The following SHBG variants were observed in gnomAD, a reference collection of about 807,000 sequenced individuals.
SHBG encodes sex hormone binding globulin.
A neutral mutation model predicts 41.9 loss-of-function variants in SHBG; 37 were observed. The observed-to-expected ratio is 0.88, with a 90% confidence interval of 0.68 to 1.16. The LOEUF is 1.16. Among genes scored for constraint, SHBG ranks in the 50% most tolerant of loss-of-function variants. The pLI is 0.00. For synonymous variants in SHBG, 217 were observed against 205.8 expected (o/e 1.05, Z -0.47); for missense variants, 466 against 499.9 (o/e 0.93, Z 0.65).
Position 7,630,293 on chromosome 17 carries a change from C to T in SHBG, c.111+10C>T, listed in dbSNP as rs374943235. On this transcript the variant is annotated intron_variant, in intron 1 of 7. Coordinates refer to ENST00000380450, the MANE Select transcript of SHBG (RefSeq NM_001040.5). The surrounding 1 kb of genome is among the most constrained non-coding windows in gnomAD (Gnocchi z 4.6). Reference sequence around the variant, plus strand: ...TGTTCTCCCCACCCAGGTGCAGGAGCGGGACAGGGCACTCAGCTCATGCAG... The same window carrying T: ...TGTTCTCCCCACCCAGGTGCAGGAGTGGGACAGGGCACTCAGCTCATGCAG... 4.9e-5 allele frequency: 78 copies of T among 1,605,028 alleles called. 1 individual carries two copies. The African/African-American group carries it at 7.3e-4, about 15-fold the overall frequency.
At chr17:7,624,230 C>T (rs1054805597), upstream of SHBG, among the ~76,000 whole-genome samples, 6 of 151,298 alleles carry the variant, frequency 4.0e-5, no homozygotes, top group East Asian at 2.0e-4. Flanking sequence ...AGGATACAGA[C>T]GTGAGCCACC....
rs754804182 is a variant in SHBG at position 7,631,198 on chromosome 17, A to C, written c.394-2A>C. 11 of 1,549,472 alleles carry C rather than the reference A, an allele frequency of 7.1e-6. No homozygotes were observed. In the Admixed American group the frequency reaches 2.2e-4, roughly 31 times the overall value. The stretch of plus-strand genomic sequence containing the variant: ...CTGATTTTGCTTCCCACCTTCCTGC[A>C]GGTGGAAGTCAAGATGGAGGGGGAC... On this transcript the variant is annotated splice_acceptor_variant, in intron 3 of 7. Transcript: ENST00000380450. LOFTEE classifies it high-confidence loss of function.
chr17:7,625,311 G>A (rs947599137), upstream of SHBG, among the ~76,000 whole-genome samples: 7 of 151,840 alleles, frequency 4.6e-5, no homozygotes, highest in South Asian at 6.2e-4. Flanking sequence ...AGGCGTGGTG[G>A]CTCACGCCTG....
At chr17:7,619,728 A>G (rs2072056845) in intron 1 of SHBG, among the ~76,000 whole-genome samples, 2 of 151,734 alleles carry the variant, frequency 1.3e-5, no homozygotes, top group African/African-American at 4.8e-5. Context: ...AAAAAAAAAA[A>G]GTAAACACTA....
At chr17:7,620,108 C>T (rs1358290947) in intron 1 of SHBG, among the ~76,000 whole-genome samples, 4 of 139,086 alleles carry the variant, frequency 2.9e-5, no homozygotes, top group Non-Finnish European at 6.3e-5. Flanking sequence ...GTAAAGACTC[C>T]TTATCCCTCT....
Position 7,631,217 on chromosome 17 carries a change from G to T in SHBG, c.411G>T (p.Glu137Asp). 1 of 1,578,288 alleles carries T rather than the reference G, an allele frequency of 6.3e-7. No homozygotes were observed. The highest frequency in any genetic ancestry group is 8.6e-7 in the Non-Finnish European group (1 of 1,162,056). The change falls in exon 4 of 8, where the codon GAG becomes GAT. Residue 137 changes from glutamate (E) to aspartate (D), a missense_variant. Coordinates refer to ENST00000380450, the MANE Select transcript of SHBG (RefSeq NM_001040.5). ...GRWHQVEVKMEGDSVLLEVDG... is the reference protein window; with the variant it reads ...GRWHQVEVKMDGDSVLLEVDG... ...TCCTGCAGGTGGAAGTCAAGATGGA[G>T]GGGGACTCTGTGCTGCTGGAGGTGG... is the stretch of plus-strand genomic sequence containing the variant.
At position 7,633,354 on chromosome 17, in the gene SHBG, G is replaced by T; in HGVS notation, c.*2G>T. The T allele has an allele frequency of 6.2e-7, 1 of 1,613,442 alleles. No individual in the cohort carries two copies. The highest frequency in any genetic ancestry group is 8.5e-7 in the Non-Finnish European group (1 of 1,179,758). The stretch of plus-strand genomic sequence containing the variant: ...AATGGCACTGACGCTTCCCATTAAA[G>T]CTCCACCTAAGAACCCCCTTTGAAA... On this transcript the variant is annotated 3_prime_UTR_variant, in exon 8 of 8. Transcript: ENST00000380450.
chr17:7,631,322 TG>T lies in SHBG; in HGVS notation c.522del (p.Leu175CysfsTer45). On this transcript the variant is annotated frameshift_variant, in exon 4 of 8. Transcript: ENST00000380450. LOFTEE classifies it high-confidence loss of function. ...KRHPIMRIALGGLLFPASNLR... is the reference protein window; with the variant it reads ...KRHPIMRIALXGLLFPASNLR... Reference sequence around the variant, plus strand: ...GCCATCCCATCATGAGGATTGCGCTTGGGGGGCTGCTCTTCCCCGCTTCCAA... The same window carrying T: ...GCCATCCCATCATGAGGATTGCGCTTGGGGGCTGCTCTTCCCCGCTTCCAA... 1 of 1,613,788 alleles carries T rather than the reference TG, an allele frequency of 6.2e-7. No homozygotes were observed. The highest frequency in any genetic ancestry group is 8.5e-7 in the Non-Finnish European group (1 of 1,179,888).
At chr17:7,614,713 C>T (rs2071930664) in intron 1 of SHBG, 3 of 294,368 alleles carry the variant, frequency 1.0e-5, no homozygotes, top group Non-Finnish European at 1.9e-5. Flanking sequence ...CGGGGCCGGG[C>T]CGCTCCCCGT....
Position 7,631,374 on chromosome 17 carries a change from CA to C in SHBG, c.555+14del. 9.3e-6 allele frequency: 15 copies of C among 1,611,404 alleles called. No individual in the cohort carries two copies. The highest frequency in any genetic ancestry group is 1.3e-5 in the Non-Finnish European group (15 of 1,179,052). On this transcript the variant is annotated intron_variant, in intron 4 of 7. Transcript: ENST00000380450. ...CCTTCGGTTGCCGGTAACTACACCC[CA>C]GGGGTGGAACCCTAGCCAAGACTTG... is the stretch of plus-strand genomic sequence containing the variant.
upstream of SHBG, chr17:7,627,361 A>G (rs769275716): frequency 6.2e-6 from 10 of 1,613,850 alleles, no homozygotes; most frequent in African/African-American, 1.1e-4. The surrounding 1 kb of genome is among the most constrained non-coding windows in gnomAD (Gnocchi z 4.8). Flanking sequence ...CTGAGCCCCC[A>G]CCTTCTTCAC....
intron 1 of SHBG, among the ~76,000 whole-genome samples, chr17:7,620,202 C>T (rs1018897644): frequency 6.6e-6 from 1 of 151,916 alleles, no homozygotes; most frequent in Non-Finnish European, 1.5e-5. Context: ...TGGTGGCTCA[C>T]ACCTGTAATC....
At chr17:7,626,725 TCA>T, upstream of SHBG, 1 of 1,614,080 alleles carries the variant, frequency 6.2e-7, no homozygotes, top group South Asian at 1.1e-5. Flanking sequence ...CTTCAGGTCC[TCA>T]CTTGTCGCCC....
chr17:7,627,585 G>T (rs751888601), upstream of SHBG: 2 of 1,611,728 alleles, frequency 1.2e-6, no homozygotes, highest in South Asian at 2.2e-5. This position sits in a 1 kb window ranked among gnomAD's most constrained non-coding sequence, Gnocchi z 4.8. Context: ...TCAGCCTCAG[G>T]ATATCTCCAC....
In SHBG at chr17:7,630,483, C is replaced by A. The variant is rs765521697; in HGVS notation, c.179C>A (p.Thr60Asn). 6.2e-7 allele frequency: 1 copy of A among 1,613,986 alleles called. No individual in the cohort carries two copies. Among genetic ancestry groups the A allele is most frequent in the Non-Finnish European group, 8.5e-7 (1 of 1,179,990 alleles). ...GPGQEPIAVM[T>N]FDLTKITKTS... ...GGACAAGAGCCTATCGCTGTCATGA[C>A]CTTTGACCTCACCAAGATCACAAAG... is the stretch of plus-strand genomic sequence containing the variant. Residue 60 changes from threonine (T) to asparagine (N), a missense_variant, in exon 2 of 8, where the codon ACC becomes AAC. Transcript: ENST00000380450. The surrounding 1 kb of genome is among the most constrained non-coding windows in gnomAD (Gnocchi z 4.6).
In SHBG at chr17:7,614,112, G is replaced by C. The variant is rs1188776770; in HGVS notation, c.-62+1G>C. ...GGGGAAGATGTGATTAAGGTCTAAG[G>C]TATGTCTTCCACCAGACAACGGACA... is the stretch of plus-strand genomic sequence containing the variant. On this transcript the variant is annotated splice_donor_variant, in intron 1 of 5. Coordinates refer to the SHBG transcript ENST00000570547. LOFTEE classifies it low-confidence loss of function (5UTR_SPLICE). 2 of 543,564 alleles carry C rather than the reference G, an allele frequency of 3.7e-6. No individual in the cohort carries two copies. Among genetic ancestry groups the C allele is most frequent in the African/African-American group, 3.8e-5 (2 of 53,208 alleles). The allele number at this position is 543,564 out of a possible 1,614,324, so 33.7% of individuals were successfully genotyped here.
At chr17:7,624,550 G>C (rs949020589), upstream of SHBG, among the ~76,000 whole-genome samples, 5 of 152,064 alleles carry the variant, frequency 3.3e-5, no homozygotes, top group African/African-American at 1.2e-4. Flanking sequence ...TAATTTTGTA[G>C]AGATGTGGTC....
upstream of SHBG, chr17:7,627,126 G>C (rs1257198624): frequency 2.5e-6 from 4 of 1,614,028 alleles, no homozygotes; most frequent in South Asian, 4.4e-5. The surrounding 1 kb of genome is among the most constrained non-coding windows in gnomAD (Gnocchi z 4.8). Context: ...GGACTTCTAA[G>C]GGCCAGGTGC....
chr17:7,628,458 T>G (rs1270765827), upstream of SHBG, among the ~76,000 whole-genome samples: 2 of 150,580 alleles, frequency 1.3e-5, no homozygotes, highest in Non-Finnish European at 3.0e-5. Context: ...TTCTCTTTTT[T>G]TTTGTTTTAA....
Sources: allele counts gnomAD v4.1 joint callset (sites outside exome capture counted in the v4.1 genomes callset), GRCh38; gene constraint gnomAD v4.1.1; non-coding constraint Gnocchi (gnomAD v3.1); transcripts MANE v1.5; gene names NCBI Gene and HGNC (gene_info 2026-07-23, HGNC 2026-07-21).